Variants in PDHA1 observed in about 807,000 individuals in gnomAD.
PDHA1 encodes the protein pyruvate dehydrogenase E1 component subunit alpha, somatic form, mitochondrial.
Under a neutral mutation model 33.0 loss-of-function variants are expected in PDHA1, and 1 was observed. The observed-to-expected ratio is 0.03, with a 90% confidence interval of 0.01 to 0.14. The LOEUF (loss-of-function observed/expected upper bound fraction) is 0.14, where lower values mean the gene tolerates loss of function less well. Among genes scored for constraint, PDHA1 ranks in the 10% least tolerant of loss-of-function variants. PDHA1 has a pLI of 1.00. For synonymous variants in PDHA1, 123 were observed against 119.2 expected, an observed-to-expected ratio of 1.03 and a Z score of -0.21; for missense variants, 168 against 325.1, an observed-to-expected ratio of 0.52 and a Z score of 3.72.
chrX:19,359,814 A>T lies in PDHA1; in HGVS notation c.*161A>T. ...GGTAGTAATTGCATGCAGTTTGTAC[A>T]TTAGTGCATTAAAAGATGAATTATT... On this transcript the variant is annotated 3_prime_UTR_variant, in exon 11 of 11. Transcript: ENST00000422285. 2 of 508,148 alleles carry T rather than the reference A, an allele frequency of 3.9e-6. No individual in the cohort carries two copies. The highest frequency in any genetic ancestry group is 5.4e-5 in the South Asian group (2 of 37,081). The allele number at this position is 508,148 out of a possible 1,213,427, so 41.9% of individuals were successfully genotyped here.
intron 3 of PDHA1, 65 bp downstream of exon 3, chrX:19,350,175 G>A: frequency 1.3e-6 from 1 of 792,647 alleles, no homozygotes; most frequent in Non-Finnish European, 2.0e-6. Context: ...GTACTTATTG[G>A]GCTTTACCCT....
intron 1 of PDHA1, among the ~76,000 whole-genome samples, chrX:19,344,478 G>T (rs887643828): frequency 2.7e-5 from 3 of 113,123 alleles, no homozygotes; most frequent in Admixed American, 9.3e-5. Context: ...TCTCTTGACC[G>T]AGAGGCTTTG....
At position 19,361,245 on chromosome X, in the gene PDHA1, T is replaced by TG; in HGVS notation, c.*1598dup. On this transcript the variant is annotated 3_prime_UTR_variant, in exon 11 of 11. Coordinates refer to ENST00000422285, the MANE Select transcript of PDHA1 (RefSeq NM_000284.4). Reference sequence around the variant, plus strand: ...TTGAACCTAATAGAACTCCAGAGTTTGGGGGGAGGCCCAGCCCTTTGTTTT... The same window carrying TG: ...TTGAACCTAATAGAACTCCAGAGTTTGGGGGGGAGGCCCAGCCCTTTGTTTT... The TG allele has an allele frequency of 1.4e-6, 1 of 737,374 alleles. No individual in the cohort carries two copies. Among genetic ancestry groups the TG allele is most frequent in the Non-Finnish European group, 2.0e-6 (1 of 506,587 alleles). 60.8% of individuals were successfully genotyped at this position (737,374 alleles called of 1,213,427 possible).
chrX:19,355,841 A>C lies in PDHA1; in HGVS notation c.831+84A>C. The C allele has an allele frequency of 1.6e-5, 11 of 691,691 alleles. No individual in the cohort carries two copies. In the South Asian group the frequency reaches 2.4e-4, roughly 15 times the overall value. The allele number at this position is 691,691 out of a possible 1,213,427, so 57.0% of individuals were successfully genotyped here. ...CTCCCATGTGCCTGCTGAAGCTGTT[A>C]GTGGGTACCTGCTAATTGAGGTGCA... is the stretch of plus-strand genomic sequence containing the variant. On this transcript the variant is annotated intron_variant, in intron 8 of 10. Coordinates refer to ENST00000422285, the MANE Select transcript of PDHA1 (RefSeq NM_000284.4).
At chrX:19,356,658 T>G (rs1472339165) in intron 8 of PDHA1, among the ~76,000 whole-genome samples, 1 of 110,787 alleles carries the variant, frequency 9.0e-6, no homozygotes, top group Non-Finnish European at 1.9e-5. Context: ...GGGCCAGCCC[T>G]GGCTGGAGAC....
At chrX:19,355,186 ACCAC>A (rs1243336012) in intron 6 of PDHA1, 159 bp from the exon 7 acceptor site, 1 of 570,809 alleles carries the variant, frequency 1.8e-6, no homozygotes, top group Non-Finnish European at 3.0e-6. Context: ...CTTCTCCTCC[ACCAC>A]CCACCCCGCT....
chrX:19,349,954 G>C lies in PDHA1; in HGVS notation c.135G>C (p.Arg45=). Residue 45 remains arginine, a synonymous_variant, in exon 3 of 11, where the codon CGG becomes CGC. Transcript: ENST00000422285. ...TFEIKKCDLH[R]LEEGPPVTTV... ...CATTTCAGAAATGTGACCTTCACCG[G>C]CTGGAAGAAGGCCCTCCTGTCACAA... is the stretch of plus-strand genomic sequence containing the variant. 8.3e-7 allele frequency: 1 copy of C among 1,207,983 alleles called. No homozygotes were observed. Among genetic ancestry groups the C allele is most frequent in the Non-Finnish European group, 1.1e-6 (1 of 891,934 alleles).
At position 19,361,431 on chromosome X, in the gene PDHA1, G is replaced by C. The variant is rs779022123; in HGVS notation, c.*1778G>C. On this transcript the variant is annotated 3_prime_UTR_variant, in exon 11 of 11. Transcript: ENST00000422285. The stretch of plus-strand genomic sequence containing the variant: ...CTTCAACAATCTGAAACAAAGATCA[G>C]ATCCTTAAGAGCTGAGCAGCTGTGT... 12 of 1,195,808 alleles carry C rather than the reference G, an allele frequency of 1.0e-5. No individual in the cohort carries two copies. In the South Asian group the frequency reaches 2.0e-4, roughly 20 times the overall value.
intron 1 of PDHA1, among the ~76,000 whole-genome samples, chrX:19,348,728 G>A (rs905254673): frequency 1.8e-5 from 2 of 112,157 alleles, no homozygotes; most frequent in African/African-American, 6.5e-5. Flanking sequence ...TGGATCACCT[G>A]AGGTCAGGAG....
chrX:19,345,752 C>A (rs764903047), intron 1 of PDHA1: 19 of 261,762 alleles, frequency 7.3e-5, no homozygotes, highest in Admixed American at 4.0e-4. Flanking sequence ...GGGTCCCCCC[C>A]CCCCCGCCAC....
chrX:19,353,249 G>T (rs1209389897), intron 5 of PDHA1, 76 bp downstream of exon 5: 1 of 807,300 alleles, frequency 1.2e-6, no homozygotes, highest in South Asian at 2.1e-5. Flanking sequence ...CACAGCCCCA[G>T]ACAACTTTTC....
chrX:19,358,848 T>A (rs1426290263), intron 9 of PDHA1, 68 bp from the exon 10 acceptor site: 2 of 626,592 alleles, frequency 3.2e-6, no homozygotes, highest in African/African-American at 4.4e-5. Flanking sequence ...ATATCATGTT[T>A]CATCACGCCG....
chrX:19,344,221 C>T lies in PDHA1; in HGVS notation c.57+127C>T, dbSNP rs1212295721. The T allele has an allele frequency of 5.4e-6, 3 of 552,963 alleles. No individual in the cohort carries two copies. The African/African-American group carries it at 6.9e-5, about 13-fold the overall frequency. 45.6% of individuals were successfully genotyped at this position (552,963 alleles called of 1,213,427 possible). A position where few individuals can be genotyped will look rare whatever the true frequency, so the allele number is the denominator to read the frequency against. On this transcript the variant is annotated intron_variant, in intron 1 of 10. Transcript: ENST00000422285. ...CGCCAGGGGAGCCGGGGAGCCTTTA[C>T]TTCGCCTCCGCGCCCTGCATTCCGT...
At chrX:19,356,153 T>C (rs1488081158) in intron 8 of PDHA1, among the ~76,000 whole-genome samples, 1 of 112,040 alleles carries the variant, frequency 8.9e-6, no homozygotes, top group African/African-American at 3.2e-5. Flanking sequence ...ATGTGTGTCT[T>C]ATACAAATTA....
chrX:19,345,633 G>A (rs2063127115), intron 1 of PDHA1: 2 of 169,547 alleles, frequency 1.2e-5, no homozygotes, highest in South Asian at 1.9e-4. Flanking sequence ...TGTGGGTAGA[G>A]GGCTGTACCG....
rs2063247814 is a variant in PDHA1, at chrX:19,359,622, A to G, written c.1142A>G (p.Asn381Ser). ...SDPPFEVRGA[N>S]QWIKFKSVS ...CCACCTTTTGAAGTTCGTGGTGCCA[A>G]TCAGTGGATCAAGTTTAAGTCAGTC... Residue 381 changes from asparagine (N) to serine (S), a missense_variant, in exon 11 of 11, where the codon AAT becomes AGT. Asn to Ser is a conservative substitution (Grantham distance 46). This residue lies in a region of PDHA1 where 58 missense variants were observed against 63.4 expected (regional missense o/e 0.92). Transcript: ENST00000422285. 1 of 1,211,173 alleles carries G rather than the reference A, an allele frequency of 8.3e-7. No individual in the cohort carries two copies. Among genetic ancestry groups the G allele is most frequent in the Non-Finnish European group, 1.1e-6 (1 of 895,179 alleles).
rs1427418874 is a variant in PDHA1 at position 19,361,446 on chromosome X, A to AG, written c.*1794dup. The AG allele has an allele frequency of 7.6e-6, 9 of 1,186,400 alleles. No individual in the cohort carries two copies. The highest frequency in any genetic ancestry group is 2.2e-5 in the Admixed American group (1 of 45,571). ...ACAAAGATCAGATCCTTAAGAGCTGAGCAGCTGTGTAACAACAGCATAAGA... is the reference window on the plus strand; with the variant it reads ...ACAAAGATCAGATCCTTAAGAGCTGAGGCAGCTGTGTAACAACAGCATAAGA... On this transcript the variant is annotated 3_prime_UTR_variant, in exon 11 of 11. Transcript: ENST00000422285.
chrX:19,354,630 C>T (rs1036317049), intron 6 of PDHA1, 47 bp downstream of exon 6: 2 of 781,039 alleles, frequency 2.6e-6, no homozygotes, highest in Non-Finnish European at 4.0e-6. Context: ...TTTTCAAAGT[C>T]TTTAATATTT....
chrX:19,352,442 G>C (rs1315676340), intron 4 of PDHA1, among the ~76,000 whole-genome samples: 1 of 108,931 alleles, frequency 9.2e-6, no homozygotes, highest in African/African-American at 3.4e-5. Context: ...CACCATGTTG[G>C]CCAGGCTGGT....
Sources: gnomAD v4.1 joint callset for allele counts (sites outside exome capture counted in the v4.1 genomes callset) on GRCh38, gnomAD v4.1.1 for gene constraint, gnomAD v4.1.1 regional missense constraint, MANE v1.5 for transcripts, NCBI Gene and HGNC (gene_info 2026-07-23, HGNC 2026-07-21) for gene names.